Variants in CYP19A1 observed in about 807,000 individuals in gnomAD.
The protein encoded by CYP19A1 is cytochrome P450 family 19 subfamily A member 1, also known as aromatase.
Under a neutral mutation model 44.4 loss-of-function variants are expected in CYP19A1, and 32 were observed. That is an observed-to-expected ratio of 0.72 (90% CI 0.54 to 0.97). The LOEUF is 0.97. Ranked by LOEUF, CYP19A1 falls within the 50% of genes least tolerant of loss-of-function variation. The pLI is 0.00. For missense variants in CYP19A1, 598 were observed against 637.8 expected (o/e 0.94, Z 0.67); for synonymous variants, 212 against 215.6 (o/e 0.98, Z 0.14).
At chr15:51,218,742 C>G (rs1052474649) in intron 5 of CYP19A1, 87 bp from the exon 6 acceptor site, 1 of 1,537,830 alleles carries the variant, frequency 6.5e-7, no homozygotes, top group South Asian at 1.2e-5. Flanking sequence ...AGAAAACATT[C>G]CCTGCAGATT....
intron 1 of CYP19A1, among the ~76,000 whole-genome samples, chr15:51,282,569 C>A (rs57457557): frequency 6.6e-6 from 1 of 152,254 alleles, no homozygotes; most frequent in Non-Finnish European, 1.5e-5. Context: ...CCTTCACAGC[C>A]TCCATACTTG....
chr15:51,235,043 A>C (rs2033299463), intron 3 of CYP19A1, among the ~76,000 whole-genome samples: 2 of 152,174 alleles, frequency 1.3e-5, no homozygotes, highest in South Asian at 2.1e-4. Context: ...CGGGGAAATG[A>C]AAGAGCAGCG....
intron 4 of CYP19A1, among the ~76,000 whole-genome samples, chr15:51,224,427 A>T (rs1297363350): frequency 6.6e-6 from 1 of 152,216 alleles, no homozygotes; most frequent in South Asian, 2.1e-4. Flanking sequence ...ATTTCCTGAG[A>T]TTATGAATTT....
intron 1 of CYP19A1, among the ~76,000 whole-genome samples, chr15:51,305,220 A>G (rs2036192892): frequency 6.6e-6 from 1 of 152,092 alleles, no homozygotes; most frequent in South Asian, 2.1e-4. Context: ...CTTTCAATGT[A>G]GGATGTCACT....
chr15:51,328,543 C>T (rs1203463151), intron 1 of CYP19A1, among the ~76,000 whole-genome samples: 1 of 131,928 alleles, frequency 7.6e-6, no homozygotes, highest in Non-Finnish European at 1.6e-5. Context: ...AGTTACAGGG[C>T]AGGGGTGTGT....
Position 51,333,969 on chromosome 15 carries a change from C to G in CYP19A1, c.-39+4526G>C, listed in dbSNP as rs183977003. Among the ~76,000 whole-genome samples the G allele has an allele frequency of 1.2e-3, 179 of 152,274 alleles. 1 individual carries two copies. The highest frequency in any genetic ancestry group is 2.0e-3 in the Admixed American group (30 of 15,302). ...TATTCACTGCAGAGATGACAGTTCC[C>G]CTACATGGTTTTTAGGAAATCATGT... On this transcript the variant is annotated intron_variant, in intron 1 of 9. Coordinates refer to ENST00000396402, the MANE Select transcript of CYP19A1 (RefSeq NM_000103.4).
At chr15:51,239,858 T>C (rs1595708313) in intron 2 of CYP19A1, among the ~76,000 whole-genome samples, 1 of 152,030 alleles carries the variant, frequency 6.6e-6, no homozygotes, top group African/African-American at 2.4e-5. Flanking sequence ...CATGCTTTTC[T>C]CCCCCCTAGT....
chr15:51,254,181 A>G (rs982447709), intron 1 of CYP19A1, among the ~76,000 whole-genome samples: 1 of 152,234 alleles, frequency 6.6e-6, no homozygotes, highest in African/African-American at 2.4e-5. Context: ...AGCAAACTCA[A>G]CTAGCTAAAC....
At chr15:51,338,173 C>A (rs1456655958) in intron 1 of CYP19A1, among the ~76,000 whole-genome samples, 1 of 152,166 alleles carries the variant, frequency 6.6e-6, no homozygotes, top group Non-Finnish European at 1.5e-5. Flanking sequence ...GAGGCTGGTT[C>A]AGGCTACCAC....
At chr15:51,311,184 G>A (rs542296080) in intron 1 of CYP19A1, among the ~76,000 whole-genome samples, 45 of 152,190 alleles carry the variant, frequency 3.0e-4, no homozygotes, top group African/African-American at 1.0e-3. Context: ...AAAAAACTCC[G>A]AAGCATCTAT....
At position 51,210,151 on chromosome 15, in the gene CYP19A1, A is replaced by T. The variant is rs2030789384; in HGVS notation, c.*657T>A. 2.8e-6 allele frequency: 1 copy of T among 354,060 alleles called. No individual in the cohort carries two copies. The highest frequency in any genetic ancestry group is 5.5e-6 in the Non-Finnish European group (1 of 180,704). 21.9% of individuals were successfully genotyped at this position (354,060 alleles called of 1,614,324 possible). On this transcript the variant is annotated 3_prime_UTR_variant, in exon 10 of 10. Coordinates refer to ENST00000396402, the MANE Select transcript of CYP19A1 (RefSeq NM_000103.4). ...TAACACAATGAATTGTAGCACAGGC[A>T]AGTGGCTGAGGCATAAATCGACAGA...
intron 1 of CYP19A1, among the ~76,000 whole-genome samples, chr15:51,282,397 T>C (rs2035550795): frequency 1.3e-5 from 2 of 152,286 alleles, no homozygotes; most frequent in South Asian, 4.1e-4. Context: ...AAGAACATGC[T>C]CCCTATTATC....
chr15:51,222,197 A>G (rs903493542), intron 5 of CYP19A1, 152 bp downstream of exon 5: 5 of 1,405,494 alleles, frequency 3.6e-6, no homozygotes, highest in African/African-American at 2.9e-5. Context: ...AACAAAGCAG[A>G]AACACTAGGG....
intron 7 of CYP19A1, 72 bp downstream of exon 7, chr15:51,215,631 G>A: frequency 6.2e-7 from 1 of 1,612,276 alleles, no homozygotes; most frequent in Non-Finnish European, 8.5e-7. Context: ...AGTTACAAAA[G>A]GGGATCTTTA....
chr15:51,330,512 G>C (rs2036683371), intron 1 of CYP19A1, among the ~76,000 whole-genome samples: 1 of 152,170 alleles, frequency 6.6e-6, no homozygotes, highest in African/African-American at 2.4e-5. Flanking sequence ...GTCGTACATG[G>C]AGTTACACCA....
chr15:51,213,192 A>G (rs1175233483), intron 8 of CYP19A1, among the ~76,000 whole-genome samples: 3 of 152,144 alleles, frequency 2.0e-5, no homozygotes, highest in African/African-American at 7.2e-5. Flanking sequence ...GCATCTCATC[A>G]AGAAAGACCT....
intron 1 of CYP19A1, among the ~76,000 whole-genome samples, chr15:51,274,752 C>T (rs545271538): frequency 2.6e-5 from 4 of 152,274 alleles, no homozygotes; most frequent in African/African-American, 7.2e-5. Context: ...CTGGCCCTCG[C>T]TCCTGTATAC....
chr15:51,222,039 G>A (rs1427230010), intron 5 of CYP19A1: 6 of 536,492 alleles, frequency 1.1e-5, no homozygotes, highest in African/African-American at 1.9e-5. Flanking sequence ...GTTGATTGGT[G>A]GTAGGATATG....
intron 1 of CYP19A1, 48 bp downstream of exon 1, chr15:51,338,447 T>G (rs1322728869): frequency 6.6e-6 from 1 of 151,924 alleles, no homozygotes; most frequent in Non-Finnish European, 1.5e-5. Flanking sequence ...CTGGAAAGAG[T>G]GTCTGATCCC....
Sources: allele counts gnomAD v4.1 joint callset (sites outside exome capture counted in the v4.1 genomes callset), GRCh38; gene constraint gnomAD v4.1.1; transcripts MANE v1.5; gene names NCBI Gene and HGNC (gene_info 2026-07-23, HGNC 2026-07-21).